The following TUSC3 variants were observed in gnomAD, a reference collection of about 807,000 sequenced individuals.
TUSC3 encodes the protein tumor suppressor candidate 3.
In TUSC3, 45 loss-of-function variants were observed where a neutral mutation model predicts 44.8. The ratio of observed to expected loss-of-function variants is 1.00; its 90% CI spans 0.79 to 1.29. The LOEUF is 1.29. TUSC3 is among the 50% of genes most tolerant of loss of function. The pLI, the probability that TUSC3 is intolerant of heterozygous loss-of-function variation, is 0.00. For missense variants in TUSC3, 519 were observed against 437.9 expected (o/e 1.19, Z -1.65); for synonymous variants, 212 against 152.9 (o/e 1.39, Z -2.85).
chr8:15,461,354 A>G lies in TUSC3; in HGVS notation n.92-22032A>G, dbSNP rs538169460. Among the ~76,000 whole-genome samples, 22 of 152,164 alleles carry G rather than the reference A, an allele frequency of 1.4e-4. 1 individual carries two copies. The highest frequency in any genetic ancestry group is 5.1e-4 in the African/African-American group (21 of 41,538). On this transcript the variant is annotated intron_variant and non_coding_transcript_variant, in intron 1 of 5. Transcript: ENST00000503191. Reference sequence around the variant, plus strand: ...TTCTCTGCTTGGTCACTGTTGGTGTATAGGAGAGTTAATTTGTGTACATTA... The same window carrying G: ...TTCTCTGCTTGGTCACTGTTGGTGTGTAGGAGAGTTAATTTGTGTACATTA...
chr8:15,791,838 C>G, the TUSC3 span, among the ~76,000 whole-genome samples: 1 of 152,142 alleles, frequency 6.6e-6, no homozygotes, highest in Non-Finnish European at 1.5e-5. Context: ...TTTCACCACT[C>G]CAGCTCATCA....
At chr8:15,637,051 A>G (rs766814151) in intron 2 of TUSC3, among the ~76,000 whole-genome samples, 9 of 152,314 alleles carry the variant, frequency 5.9e-5, no homozygotes, top group Non-Finnish European at 1.3e-4. Flanking sequence ...ACAGTTGACT[A>G]TTCTAGGTTG....
At chr8:15,813,190 G>A in the TUSC3 span, among the ~76,000 whole-genome samples, 1 of 152,066 alleles carries the variant, frequency 6.6e-6, no homozygotes, top group East Asian at 1.9e-4. Context: ...TATATTTGCT[G>A]GAGAATTTCA....
chr8:15,439,149 A>G (rs1397827626), intron 1 of TUSC3, among the ~76,000 whole-genome samples: 2 of 152,154 alleles, frequency 1.3e-5, no homozygotes, highest in Admixed American at 1.3e-4. Flanking sequence ...ACCTTCACCC[A>G]TTTCCCTCTG....
At chr8:15,641,620 T>C (rs540597057) in intron 2 of TUSC3, among the ~76,000 whole-genome samples, 1 of 152,298 alleles carries the variant, frequency 6.6e-6, no homozygotes, top group South Asian at 2.1e-4. Flanking sequence ...GTTTTTAACC[T>C]CATGACAACT....
chr8:15,494,049 T>C (rs1800845818), intron 2 of TUSC3, among the ~76,000 whole-genome samples: 1 of 152,208 alleles, frequency 6.6e-6, no homozygotes, highest in Non-Finnish European at 1.5e-5. Flanking sequence ...ATGCTTGAGA[T>C]CTTTGTTCAA....
At chr8:15,686,052 A>G in intron 6 of TUSC3, among the ~76,000 whole-genome samples, 1 of 152,126 alleles carries the variant, frequency 6.6e-6, no homozygotes, top group East Asian at 1.9e-4. Flanking sequence ...GCTGCTTTGC[A>G]AGTTTATTTG....
At chr8:15,479,432 T>C (rs113500412) in intron 1 of TUSC3, among the ~76,000 whole-genome samples, 9,436 of 152,242 alleles carry the variant, frequency 0.062, 315 homozygotes, top group South Asian at 0.11. Context: ...ACATTTCAGC[T>C]TTTAATCCAT....
chr8:15,419,921 T>G (rs913223594), intron 1 of TUSC3, among the ~76,000 whole-genome samples: 11 of 152,176 alleles, frequency 7.2e-5, no homozygotes, highest in Non-Finnish European at 1.0e-4. Context: ...ATCTTTATTC[T>G]TAGATTCCCC....
rs58803606 is a variant in TUSC3 at position 15,687,067 on chromosome 8, C to T, written c.798+13231C>T. ...CAGCCTGGGTGACAGAGCAAGACTC[C>T]GTCTCAAAAAAAACAAAAAACAAAA... On this transcript the variant is annotated intron_variant, in intron 6 of 10. Coordinates refer to ENST00000503731, the MANE Select transcript of TUSC3 (RefSeq NM_006765.4). Among the ~76,000 whole-genome samples the T allele has an allele frequency of 9.7e-3, 1,466 of 151,392 alleles. 24 individuals are homozygous for T. The highest frequency in any genetic ancestry group is 0.034 in the African/African-American group (1,418 of 41,178).
intron 1 of TUSC3, among the ~76,000 whole-genome samples, chr8:15,541,163 T>C (rs1362714026): frequency 6.6e-6 from 1 of 152,262 alleles, no homozygotes. Flanking sequence ...ACTCAGTGTA[T>C]ACTTGTGAAA....
At chr8:15,683,018 A>G (rs1283177581) in intron 6 of TUSC3, among the ~76,000 whole-genome samples, 6 of 152,110 alleles carry the variant, frequency 3.9e-5, no homozygotes, top group Admixed American at 3.3e-4. Flanking sequence ...AGGAAGTACT[A>G]TGTTAGCCTG....
At chr8:15,528,821 T>G (rs1022523373) in intron 2 of TUSC3, among the ~76,000 whole-genome samples, 1 of 152,238 alleles carries the variant, frequency 6.6e-6, no homozygotes, top group Non-Finnish European at 1.5e-5. Context: ...TAAGATACCT[T>G]GAATTTTCTT....
intron 3 of TUSC3, among the ~76,000 whole-genome samples, chr8:15,656,175 C>T (rs1807155357): frequency 6.6e-6 from 1 of 152,060 alleles, no homozygotes; most frequent in African/African-American, 2.4e-5. Flanking sequence ...CTACCAAACT[C>T]ATGTCTTTCT....
chr8:15,427,867 A>G (rs1205928553), intron 1 of TUSC3, among the ~76,000 whole-genome samples: 2 of 152,128 alleles, frequency 1.3e-5, no homozygotes, highest in East Asian at 3.9e-4. Context: ...TTCTTCTGGT[A>G]GTTGTACAGT....
At chr8:15,455,613 C>T (rs1317765796) in intron 1 of TUSC3, among the ~76,000 whole-genome samples, 1 of 152,054 alleles carries the variant, frequency 6.6e-6, no homozygotes, top group East Asian at 1.9e-4. Flanking sequence ...CATTCTTAGC[C>T]TCTGGCTATA....
intron 1 of TUSC3, among the ~76,000 whole-genome samples, chr8:15,432,978 T>G (rs1342242536): frequency 6.6e-6 from 1 of 152,128 alleles, no homozygotes; most frequent in African/African-American, 2.4e-5. Flanking sequence ...AAATGGTTTC[T>G]TTTTCCCTTC....
At chr8:15,587,013 CT>C (rs1459483736) in intron 1 of TUSC3, among the ~76,000 whole-genome samples, 1 of 152,168 alleles carries the variant, frequency 6.6e-6, no homozygotes, top group Non-Finnish European at 1.5e-5. Flanking sequence ...AAAACCACTG[CT>C]TTTCTTAATA....
intron 1 of TUSC3, among the ~76,000 whole-genome samples, chr8:15,447,607 T>C (rs1486480805): frequency 6.6e-6 from 1 of 152,000 alleles, no homozygotes; most frequent in Non-Finnish European, 1.5e-5. Flanking sequence ...ACACAAAGAT[T>C]CTGTCACTTT....
Sources: gnomAD v4.1 joint callset for allele counts (sites outside exome capture counted in the v4.1 genomes callset) on GRCh38, gnomAD v4.1.1 for gene constraint, MANE v1.5 for transcripts, NCBI Gene and HGNC (gene_info 2026-07-23, HGNC 2026-07-21) for gene names.